AGBL4: variants seen among roughly 807,000 people sequenced by gnomAD.
The protein encoded by AGBL4 is AGBL carboxypeptidase 4, also known as cytosolic carboxypeptidase 6.
Under a neutral mutation model 66.4 loss-of-function variants are expected in AGBL4, and 58 were observed. The ratio of observed to expected loss-of-function variants is 0.87; its 90% confidence interval spans 0.71 to 1.09. The LOEUF is 1.09. Ranked by LOEUF, AGBL4 falls within the 50% of genes least tolerant of loss-of-function variation. AGBL4 has a pLI of 0.00. For synonymous variants in AGBL4, 234 were observed against 222.9 expected (o/e 1.05, Z -0.44); for missense variants, 579 against 631.0 (o/e 0.92, Z 0.88).
At chr1:49,376,152 TG>T (rs1178261858) in intron 3 of AGBL4, among the ~76,000 whole-genome samples, 2 of 152,096 alleles carry the variant, frequency 1.3e-5, no homozygotes, top group Admixed American at 1.3e-4. Context: ...AACCACTATT[TG>T]GTGCTCCTGT....
At chr1:48,543,412 ATCCAT>A (rs1644107630) in intron 11 of AGBL4, among the ~76,000 whole-genome samples, 1 of 151,772 alleles carries the variant, frequency 6.6e-6, no homozygotes, top group African/African-American at 2.4e-5. Context: ...CCATCCATCC[ATCCAT>A]CCATCCATCC....
At position 49,144,113 on chromosome 1, in the gene AGBL4, A is replaced by G. The variant is rs1569810778; in HGVS notation, c.378-98313T>C. ...CCTATACTAGCAAGGCTAATTCATG[A>G]CATGAGGCATCTAGTGTAAAAATGC... is the stretch of plus-strand genomic sequence containing the variant. On this transcript the variant is annotated intron_variant, in intron 4 of 13. Transcript: ENST00000371839. 2.6e-5 allele frequency among the ~76,000 whole-genome samples: 4 copies of G among 152,308 alleles called. No homozygotes were observed. The Middle Eastern group carries it at 0.014, about 518-fold the overall frequency.
At chr1:49,361,722 C>T (rs1344994437) in intron 3 of AGBL4, among the ~76,000 whole-genome samples, 3 of 152,050 alleles carry the variant, frequency 2.0e-5, no homozygotes, top group African/African-American at 7.2e-5. Context: ...TATAGTCTTC[C>T]TATTCATTCG....
intron 4 of AGBL4, among the ~76,000 whole-genome samples, chr1:49,189,024 AG>A (rs1306146031): frequency 6.6e-6 from 1 of 152,186 alleles, no homozygotes; most frequent in African/African-American, 2.4e-5. Context: ...AGCAGGAAGA[AG>A]TACTGTGATC....
Position 48,655,023 on chromosome 1 carries a change from A to C in AGBL4, c.725-1572T>G, listed in dbSNP as rs370571340. ...TCCATCAAGGAGCCAGCCTGTGCTC[A>C]GGGCCTGGCCACACCGCCTCAGAGA... is the stretch of plus-strand genomic sequence containing the variant. On this transcript the variant is annotated intron_variant, in intron 7 of 13. Transcript: ENST00000371839. 1.4e-3 allele frequency among the ~76,000 whole-genome samples: 217 copies of C among 152,324 alleles called. 3 individuals carry two copies. The South Asian group carries it at 0.041, about 29-fold the overall frequency.
chr1:49,690,042 T>C (rs1191911021), intron 3 of AGBL4, among the ~76,000 whole-genome samples: 1 of 152,138 alleles, frequency 6.6e-6, no homozygotes. Context: ...AATAGCACCC[T>C]GATCAGTCAG....
rs186728153 is a variant in AGBL4, at chr1:48,968,890, T to C, written c.594+76694A>G. On this transcript the variant is annotated intron_variant, in intron 5 of 13. Transcript: ENST00000371839. ...AAACCAGGACTTTGATGTGCTCCAA[T>C]TGGAGCACAGAATATATGTAGAAAA... Among the ~76,000 whole-genome samples the C allele has an allele frequency of 2.9e-3, 435 of 152,224 alleles. 2 individuals carry two copies. The highest frequency in any genetic ancestry group is 9.9e-3 in the African/African-American group (412 of 41,552).
chr1:48,532,030 C>T (rs141974190), downstream of AGBL4, among the ~76,000 whole-genome samples: 1,038 of 152,226 alleles, frequency 6.8e-3, 32 homozygotes, highest in East Asian at 0.072. Context: ...GTGATTCTCC[C>T]GCCTCAGCTT....
intron 4 of AGBL4, among the ~76,000 whole-genome samples, chr1:49,081,442 A>C (rs1644806838): frequency 6.6e-6 from 1 of 152,248 alleles, no homozygotes; most frequent in Admixed American, 6.5e-5. Context: ...GAATTGTGGT[A>C]ATTAAAATAT....
At chr1:49,639,286 T>G (rs1224535710) in intron 3 of AGBL4, among the ~76,000 whole-genome samples, 1 of 152,098 alleles carries the variant, frequency 6.6e-6, no homozygotes, top group Non-Finnish European at 1.5e-5. Flanking sequence ...AATATAAACT[T>G]GGAAAGGTAG....
intron 3 of AGBL4, among the ~76,000 whole-genome samples, chr1:49,499,459 C>G (rs1004647186): frequency 2.0e-5 from 3 of 151,714 alleles, no homozygotes; most frequent in Non-Finnish European, 4.4e-5. Context: ...TTGGTGCACC[C>G]ACCACCCAAG....
At chr1:49,708,414 T>C (rs953987259) in intron 2 of AGBL4, among the ~76,000 whole-genome samples, 2 of 152,068 alleles carry the variant, frequency 1.3e-5, no homozygotes, top group African/African-American at 2.4e-5. Flanking sequence ...AGTTCATTTA[T>C]GTTCTTCTCT....
chr1:49,316,210 G>A (rs1645036534), intron 3 of AGBL4, among the ~76,000 whole-genome samples: 1 of 151,902 alleles, frequency 6.6e-6, no homozygotes, highest in East Asian at 1.9e-4. Flanking sequence ...TCATACATTT[G>A]TTAAAATCCA....
chr1:48,615,224 G>A (rs1048301944), intron 9 of AGBL4, among the ~76,000 whole-genome samples: 4 of 152,184 alleles, frequency 2.6e-5, no homozygotes, highest in South Asian at 2.1e-4. Flanking sequence ...AATGTAGAGA[G>A]ATGAGTCTGA....
At chr1:48,685,842 T>C (rs530862544) in intron 6 of AGBL4, among the ~76,000 whole-genome samples, 1 of 152,320 alleles carries the variant, frequency 6.6e-6, no homozygotes, top group African/African-American at 2.4e-5. Flanking sequence ...TATCTCTTGA[T>C]CACCAGCCTT....
intron 3 of AGBL4, among the ~76,000 whole-genome samples, chr1:49,354,590 TA>T (rs1343922643): frequency 6.6e-6 from 1 of 152,236 alleles, no homozygotes; most frequent in Non-Finnish European, 1.5e-5. Context: ...ATCTCCATGC[TA>T]ATGACTCCCA....
At chr1:49,129,315 A>T (rs1234279681) in intron 4 of AGBL4, among the ~76,000 whole-genome samples, 1 of 151,550 alleles carries the variant, frequency 6.6e-6, no homozygotes, top group Non-Finnish European at 1.5e-5. Flanking sequence ...TTGTTTTTTC[A>T]TTTTATTATT....
intron 3 of AGBL4, among the ~76,000 whole-genome samples, chr1:49,248,917 T>C (rs1651842377): frequency 6.6e-6 from 1 of 152,154 alleles, no homozygotes; most frequent in African/African-American, 2.4e-5. Flanking sequence ...ATCAGAGCTC[T>C]GTAAATAGTG....
intron 5 of AGBL4, among the ~76,000 whole-genome samples, chr1:48,955,060 G>C (rs1657320106): frequency 6.6e-6 from 1 of 152,152 alleles, no homozygotes; most frequent in Admixed American, 6.5e-5. Flanking sequence ...AATTGGGCCT[G>C]TATTTCCCTG....
Sources: allele counts gnomAD v4.1 joint callset (sites outside exome capture counted in the v4.1 genomes callset), GRCh38; gene constraint gnomAD v4.1.1; transcripts MANE v1.5; gene names NCBI Gene and HGNC (gene_info 2026-07-23, HGNC 2026-07-21).